Variants in KIF2A observed in about 807,000 individuals in gnomAD.
KIF2A encodes the protein kinesin-like protein KIF2A.
KIF2A carries 22 observed loss-of-function variants against 100.2 expected under a neutral mutation model. That is an observed-to-expected ratio of 0.22 (90% CI 0.16 to 0.31). The LOEUF (loss-of-function observed/expected upper bound fraction) is 0.31, where lower values mean the gene tolerates loss of function less well. KIF2A is among the 10% of genes least tolerant of loss of function. KIF2A has a pLI of 1.00. For synonymous variants in KIF2A, 268 were observed against 285.9 expected (o/e 0.94, Z 0.63); for missense variants, 495 against 898.7 (o/e 0.55, Z 5.74).
intron 1 of KIF2A, among the ~76,000 whole-genome samples, chr5:62,335,580 A>G (rs1276932744): frequency 1.3e-5 from 2 of 152,172 alleles, no homozygotes; most frequent in Non-Finnish European, 1.5e-5. Flanking sequence ...AACTGCCTGG[A>G]GGTCAGAACC....
intron 8 of KIF2A, 116 bp downstream of exon 8, chr5:62,357,861 A>G (rs1748193483): frequency 4.2e-6 from 3 of 720,778 alleles, no homozygotes; most frequent in Non-Finnish European, 2.3e-6. Context: ...TTTGATTTGT[A>G]TGTAACCATT....
chr5:62,374,261 G>A (rs1378048901), intron 18 of KIF2A, among the ~76,000 whole-genome samples: 1 of 152,002 alleles, frequency 6.6e-6, no homozygotes, highest in Non-Finnish European at 1.5e-5. Flanking sequence ...ACAGCCTGTG[G>A]GCCAGCCATC....
In KIF2A at chr5:62,352,839, T is replaced by A. The variant is rs1747921472; in HGVS notation, c.457+129T>A. 1.2e-5 allele frequency: 8 copies of A among 695,090 alleles called. No individual in the cohort carries two copies. In the Admixed American group the frequency reaches 3.2e-4, roughly 28 times the overall value. 43.1% of individuals were successfully genotyped at this position (695,090 alleles called of 1,614,324 possible). A position where few individuals can be genotyped will look rare whatever the true frequency, so the allele number is the denominator to read the frequency against. On this transcript the variant is annotated intron_variant, in intron 5 of 20. Coordinates refer to ENST00000407818, the MANE Select transcript of KIF2A (RefSeq NM_001098511.3). ...TTGATTGCAGATTTCATTTTACCAC[T>A]GTGGAAAATTTAACTTCTTCTTATT... is the stretch of plus-strand genomic sequence containing the variant.
At chr5:62,347,903 C>T (rs1580056398) in intron 2 of KIF2A, 145 bp from the exon 3 acceptor site, 1 of 762,502 alleles carries the variant, frequency 1.3e-6, no homozygotes, top group East Asian at 3.1e-5. Flanking sequence ...AGATTACAGG[C>T]ATGAGCCACT....
chr5:62,382,397 C>T (rs537200383), intron 20 of KIF2A, among the ~76,000 whole-genome samples: 3 of 152,008 alleles, frequency 2.0e-5, no homozygotes, highest in Non-Finnish European at 2.9e-5. Context: ...GCTAGGATCA[C>T]GCCACTGCAC....
chr5:62,354,670 G>A (rs1378683383), intron 6 of KIF2A, among the ~76,000 whole-genome samples: 1 of 151,946 alleles, frequency 6.6e-6, no homozygotes, highest in Admixed American at 6.6e-5. Context: ...TTTTTAGAAG[G>A]TCAGCAAAAA....
In KIF2A at chr5:62,386,014, G is replaced by A. The variant is rs1360522081; in HGVS notation, c.*445G>A. On this transcript the variant is annotated 3_prime_UTR_variant, in exon 21 of 21. Coordinates refer to ENST00000407818, the MANE Select transcript of KIF2A (RefSeq NM_001098511.3). ...TGTACATACCTTGCCCACTCCTAGAGACAGCTGTGCTCACCTTTTCCTGCT... is the reference window on the plus strand; with the variant it reads ...TGTACATACCTTGCCCACTCCTAGAAACAGCTGTGCTCACCTTTTCCTGCT... 6.5e-6 allele frequency: 1 copy of A among 154,724 alleles called. No homozygotes were observed. Among genetic ancestry groups the A allele is most frequent in the Non-Finnish European group, 1.4e-5 (1 of 69,384 alleles). 9.6% of individuals were successfully genotyped at this position (154,724 alleles called of 1,614,324 possible).
rs1182058732 is a variant in KIF2A, at chr5:62,387,392, G to C, written c.*1823G>C. 6.6e-6 allele frequency: 1 copy of C among 152,126 alleles called. No individual in the cohort carries two copies. The highest frequency in any genetic ancestry group is 1.5e-5 in the Non-Finnish European group (1 of 68,016). The allele number at this position is 152,126 out of a possible 1,614,324, so 9.4% of individuals were successfully genotyped here. On this transcript the variant is annotated 3_prime_UTR_variant, in exon 21 of 21. Transcript: ENST00000407818. ...AAGGGCAATAAAGACATGTGAATTT[G>C]CTCATTTTAAAGCACAACAGATGAT...
intron 11 of KIF2A, 97 bp from the exon 12 acceptor site, chr5:62,362,353 G>C: frequency 2.0e-6 from 1 of 489,896 alleles, no homozygotes; most frequent in Non-Finnish European, 3.6e-6. Flanking sequence ...GTTATCCTAG[G>C]TAAAGAGTAA....
chr5:62,357,819 A>T, intron 8 of KIF2A, 74 bp downstream of exon 8: 1 of 949,100 alleles, frequency 1.1e-6, no homozygotes, highest in South Asian at 1.5e-5. Flanking sequence ...ATAGCAAATC[A>T]AATTGGTTTG....
intron 1 of KIF2A, among the ~76,000 whole-genome samples, chr5:62,324,714 A>G (rs552673615): frequency 6.6e-6 from 1 of 152,340 alleles, no homozygotes; most frequent in South Asian, 2.1e-4. Flanking sequence ...TTAACTCAAA[A>G]TGGATTAAAG....
At chr5:62,338,767 G>A (rs1272472633) in intron 1 of KIF2A, among the ~76,000 whole-genome samples, 1 of 151,954 alleles carries the variant, frequency 6.6e-6, no homozygotes, top group East Asian at 1.9e-4. Context: ...GAAAAGATAA[G>A]CCACAACTTT....
rs1329757735 is a variant in KIF2A, at chr5:62,381,174, A to G, written c.2070A>G (p.Val690=). 1.6e-5 allele frequency: 25 copies of G among 1,608,854 alleles called. No individual in the cohort carries two copies. Among genetic ancestry groups the G allele is most frequent in the Non-Finnish European group, 2.1e-5 (25 of 1,175,452 alleles). ...CCCTCTTAGAGATGACTGAAGAAGT[A>G]GATTATGATGTCGATTCATATGCTA... ...EKALLEMTEE[V]DYDVDSYATQ... The change falls in exon 20 of 21, where the codon GTA becomes GTG. Residue 690 remains valine, a synonymous_variant. Transcript: ENST00000407818.
At position 62,388,766 on chromosome 5, in the gene KIF2A, C is replaced by T. The variant is rs145310720; in HGVS notation, c.*3197C>T. The T allele has an allele frequency of 3.8e-3, 1,984 of 516,556 alleles. 44 individuals carry two copies. The highest frequency in any genetic ancestry group is 9.8e-4 in the Non-Finnish European group (282 of 288,396). 32.0% of individuals were successfully genotyped at this position (516,556 alleles called of 1,614,324 possible). On this transcript the variant is annotated 3_prime_UTR_variant, in exon 21 of 21. Coordinates refer to ENST00000407818, the MANE Select transcript of KIF2A (RefSeq NM_001098511.3). The stretch of plus-strand genomic sequence containing the variant: ...ATAAGTGTAAAGTTGTGCGTCTCTG[C>T]GGCTCCTGAACTTGAAGATTATTAT...
Position 62,366,423 on chromosome 5 carries a change from A to G in KIF2A, c.1588A>G (p.Ile530Val). 1 of 1,577,146 alleles carries G rather than the reference A, an allele frequency of 6.3e-7. No individual in the cohort carries two copies. Among genetic ancestry groups the G allele is most frequent in the Non-Finnish European group, 8.6e-7 (1 of 1,157,288 alleles). ...TTTTTTTTTCCTGTAGATTGCCACA[A>G]TCTCTCCAGGAATGGCATCCTGTGA... The part of the protein sequence containing the change: ...ENSRTCMIAT[I>V]SPGMASCENT... The change falls in exon 16 of 21, where the codon ATC becomes GTC. Residue 530 changes from isoleucine to valine, a missense_variant. This residue lies in a region of KIF2A where 100 missense variants were observed against 138.2 expected (regional missense o/e 0.72). Coordinates refer to ENST00000407818, the MANE Select transcript of KIF2A (RefSeq NM_001098511.3).
At chr5:62,313,185 AT>A (rs1745638295) in intron 1 of KIF2A, among the ~76,000 whole-genome samples, 1 of 152,206 alleles carries the variant, frequency 6.6e-6, no homozygotes, top group Admixed American at 6.5e-5. Context: ...TGATAGAAAT[AT>A]GCCATTTTGT....
chr5:62,345,725 G>A (rs1184454426), intron 1 of KIF2A, among the ~76,000 whole-genome samples: 3 of 151,950 alleles, frequency 2.0e-5, no homozygotes, highest in Non-Finnish European at 2.9e-5. Context: ...AGTATTGAAT[G>A]CCTCATTATA....
At position 62,385,692 on chromosome 5, in the gene KIF2A, C is replaced by A; in HGVS notation, c.*123C>A. 1 of 651,688 alleles carries A rather than the reference C, an allele frequency of 1.5e-6. No individual in the cohort carries two copies. The highest frequency in any genetic ancestry group is 2.7e-6 in the Non-Finnish European group (1 of 369,610). The allele number at this position is 651,688 out of a possible 1,614,324, so 40.4% of individuals were successfully genotyped here. ...TCTGTGGAAAATGTTTTGTCCTTCACCTGAATTACATTTCAATTTTGTGAA... is the reference window on the plus strand; with the variant it reads ...TCTGTGGAAAATGTTTTGTCCTTCAACTGAATTACATTTCAATTTTGTGAA... On this transcript the variant is annotated 3_prime_UTR_variant, in exon 21 of 21. Coordinates refer to ENST00000407818, the MANE Select transcript of KIF2A (RefSeq NM_001098511.3).
chr5:62,365,426 T>G (rs1741020411), intron 15 of KIF2A, 73 bp downstream of exon 15: 1 of 755,034 alleles, frequency 1.3e-6, no homozygotes, highest in Non-Finnish European at 2.1e-6. Context: ...TTATGGAAAA[T>G]GTATTTGTTA....
Sources: gnomAD v4.1 joint callset for allele counts (sites outside exome capture counted in the v4.1 genomes callset) on GRCh38, gnomAD v4.1.1 for gene constraint, gnomAD v4.1.1 regional missense constraint, MANE v1.5 for transcripts, NCBI Gene and HGNC (gene_info 2026-07-23, HGNC 2026-07-21) for gene names.